The following PDE1C variants were observed in gnomAD, a reference collection of about 807,000 sequenced individuals.
PDE1C encodes the protein phosphodiesterase 1C, also known as dual specificity calcium/calmodulin-dependent 3',5'-cyclic nucleotide phosphodiesterase 1C.
In PDE1C, 62 loss-of-function variants were observed where a neutral mutation model predicts 93.1. The ratio of observed to expected loss-of-function variants is 0.67; its 90% CI spans 0.54 to 0.82. PDE1C has a LOEUF of 0.82. Among genes scored for constraint, PDE1C ranks in the 40% least tolerant of loss-of-function variants. The pLI is 0.00. For missense variants in PDE1C, 742 were observed against 884.6 expected (o/e 0.84, Z 2.04); for synonymous variants, 325 against 310.1 (o/e 1.05, Z -0.50).
At chr7:31,882,360 G>C (rs1287980822) in intron 2 of PDE1C, among the ~76,000 whole-genome samples, 3 of 152,088 alleles carry the variant, frequency 2.0e-5, no homozygotes, top group Non-Finnish European at 4.4e-5. Context: ...GGCAGGGAAG[G>C]GCATGCCAGT....
chr7:31,691,806 A>G, the PDE1C span, among the ~76,000 whole-genome samples: 7 of 150,800 alleles, frequency 4.6e-5, no homozygotes, highest in South Asian at 1.5e-3. Flanking sequence ...TTAAAAAAAA[A>G]AAAAAAAAAA....
the PDE1C span, among the ~76,000 whole-genome samples, chr7:31,743,440 G>A: frequency 1.3e-5 from 2 of 152,104 alleles, no homozygotes; most frequent in East Asian, 3.9e-4. Flanking sequence ...AGACAGGAGA[G>A]TCAATAGGAG....
chr7:32,367,947 TA>T (rs545829754), intron 1 of PDE1C, among the ~76,000 whole-genome samples: 131 of 143,950 alleles, frequency 9.1e-4, no homozygotes, highest in Admixed American at 1.0e-3. Context: ...TATCTCTAGT[TA>T]AAAAAAAAAA....
At chr7:31,700,822 C>A in the PDE1C span, among the ~76,000 whole-genome samples, 46 of 152,238 alleles carry the variant, frequency 3.0e-4, no homozygotes, top group South Asian at 6.2e-4. Context: ...GTAAATGGAA[C>A]TACAAAGCCT....
the PDE1C span, among the ~76,000 whole-genome samples, chr7:31,722,717 G>A: frequency 2.0e-5 from 3 of 152,170 alleles, no homozygotes; most frequent in African/African-American, 7.2e-5. Flanking sequence ...GGTGTTAACC[G>A]CCTAGGAAGG....
chr7:32,223,897 G>A (rs1355196654), intron 1 of PDE1C, among the ~76,000 whole-genome samples: 1 of 152,188 alleles, frequency 6.6e-6, no homozygotes, highest in Non-Finnish European at 1.5e-5. Flanking sequence ...ACGCCCGGAT[G>A]ACAAAACGCT....
chr7:32,405,106 G>C (rs938369634), intron 1 of PDE1C, among the ~76,000 whole-genome samples: 4 of 152,066 alleles, frequency 2.6e-5, no homozygotes, highest in Non-Finnish European at 5.9e-5. Flanking sequence ...TACCTCTTCT[G>C]TTGTACAGTA....
At chr7:32,002,531 T>C (rs1785610088) in intron 2 of PDE1C, among the ~76,000 whole-genome samples, 1 of 151,948 alleles carries the variant, frequency 6.6e-6, no homozygotes, top group African/African-American at 2.4e-5. Context: ...TAAATGAGAG[T>C]ATAGGTGAAA....
intron 2 of PDE1C, among the ~76,000 whole-genome samples, chr7:31,978,681 T>G (rs949105634): frequency 6.6e-6 from 1 of 152,118 alleles, no homozygotes; most frequent in Non-Finnish European, 1.5e-5. Flanking sequence ...CTCTGGCGTG[T>G]TTTTTAACCA....
At chr7:32,308,236 G>A (rs1421149719) in intron 1 of PDE1C, among the ~76,000 whole-genome samples, 1 of 152,260 alleles carries the variant, frequency 6.6e-6, no homozygotes, top group African/African-American at 2.4e-5. Context: ...CAGCCGGGAA[G>A]CTCAAACTGG....
chr7:31,632,737 T>C, the PDE1C span, among the ~76,000 whole-genome samples: 5 of 152,040 alleles, frequency 3.3e-5, no homozygotes, highest in Admixed American at 6.5e-5. Flanking sequence ...TCCCTACTAC[T>C]GAAGCCCAGC....
At chr7:31,813,688 A>T (rs1012579829) in intron 15 of PDE1C, among the ~76,000 whole-genome samples, 1 of 151,948 alleles carries the variant, frequency 6.6e-6, no homozygotes, top group Non-Finnish European at 1.5e-5. Context: ...GTTTTTGGGG[A>T]AAAGATGGTG....
At chr7:32,255,989 G>C (rs1157891513) in intron 1 of PDE1C, among the ~76,000 whole-genome samples, 1 of 152,182 alleles carries the variant, frequency 6.6e-6, no homozygotes, top group African/African-American at 2.4e-5. Context: ...CTGTGTGCAG[G>C]GGGAGCAGAG....
rs1297818638 is a variant in PDE1C, at chr7:31,786,796, T to C, written c.1892-11064A>G. On this transcript the variant is annotated intron_variant, in intron 16 of 17. Coordinates refer to ENST00000396191, the MANE Select transcript of PDE1C (RefSeq NM_001191057.4). Reference sequence around the variant, plus strand: ...TGAGAAAAAGATTTCATGCTTTTTTTCTATTGTTTTTCCTAGGCTCCATGG... The same window carrying C: ...TGAGAAAAAGATTTCATGCTTTTTTCCTATTGTTTTTCCTAGGCTCCATGG... The C allele has an allele frequency of 3.3e-5, 5 of 152,328 alleles. No individual in the cohort carries two copies. The South Asian group carries it at 6.2e-4, about 19-fold the overall frequency. 9.4% of individuals were successfully genotyped at this position (152,328 alleles called of 1,614,324 possible). A position where few individuals can be genotyped will look rare whatever the true frequency, so the allele number is the denominator to read the frequency against.
intron 3 of PDE1C, among the ~76,000 whole-genome samples, chr7:32,090,124 C>T: frequency 6.6e-6 from 1 of 152,164 alleles, no homozygotes; most frequent in Non-Finnish European, 1.5e-5. Context: ...AAATACTACA[C>T]AGCTGAAAAT....
intron 17 of PDE1C, among the ~76,000 whole-genome samples, chr7:31,771,980 A>G (rs1795514967): frequency 6.7e-6 from 1 of 149,152 alleles, no homozygotes; most frequent in Admixed American, 6.8e-5. Flanking sequence ...TGGGAGGCGG[A>G]GCTTGCAGTG....
chr7:32,124,639 T>C (rs1047254154), intron 3 of PDE1C, among the ~76,000 whole-genome samples: 1 of 152,196 alleles, frequency 6.6e-6, no homozygotes, highest in Admixed American at 6.5e-5. Flanking sequence ...CTAGGAAAAC[T>C]GGCTAGCCAT....
chr7:31,838,239 G>T (rs1026632247), intron 9 of PDE1C, among the ~76,000 whole-genome samples: 1 of 152,144 alleles, frequency 6.6e-6, no homozygotes, highest in African/African-American at 2.4e-5. Flanking sequence ...ACTGAAAATT[G>T]TATTAAAATG....
At chr7:31,643,818 C>T in the PDE1C span, 2,448 of 1,613,946 alleles carry the variant, frequency 1.5e-3, 14 homozygotes, top group African/African-American at 0.018. Context: ...CTCACTGCCA[C>T]GGGGAGAGGC....
Sources: allele counts gnomAD v4.1 joint callset (sites outside exome capture counted in the v4.1 genomes callset), GRCh38; gene constraint gnomAD v4.1.1; transcripts MANE v1.5; gene names NCBI Gene and HGNC (gene_info 2026-07-23, HGNC 2026-07-21).